Variants in CDH13 observed in about 807,000 individuals in gnomAD.
The protein encoded by CDH13 is cadherin 13.
Under a neutral mutation model 63.8 loss-of-function variants are expected in CDH13, and 24 were observed. The ratio of observed to expected loss-of-function variants is 0.38; its 90% CI spans 0.27 to 0.53. The LOEUF (loss-of-function observed/expected upper bound fraction) is 0.53. Among genes scored for constraint, CDH13 ranks in the 20% least tolerant of loss-of-function variants. The probability of loss-of-function intolerance (pLI) is 0.85; values close to 1 mark genes in which losing one functional copy is unlikely to be tolerated. For missense variants in CDH13, 1,049 were observed against 903.1 expected (o/e 1.16, Z -2.07); for synonymous variants, 503 against 355.3 (o/e 1.42, Z -4.67).
At chr16:82,647,708 G>A (rs758185310) in intron 1 of CDH13, among the ~76,000 whole-genome samples, 2 of 152,224 alleles carry the variant, frequency 1.3e-5, no homozygotes, top group African/African-American at 2.4e-5. Flanking sequence ...AAAGCAGTCA[G>A]TGAAGAGGTG....
chr16:83,478,096 C>T (rs1247036650), intron 6 of CDH13, among the ~76,000 whole-genome samples: 3 of 151,056 alleles, frequency 2.0e-5, no homozygotes, highest in Non-Finnish European at 2.9e-5. Flanking sequence ...AGAGGCGGAG[C>T]TTGCAGTGAG....
intron 5 of CDH13, among the ~76,000 whole-genome samples, chr16:83,339,882 C>T (rs2090683832): frequency 6.6e-6 from 1 of 152,220 alleles, no homozygotes; most frequent in Non-Finnish European, 1.5e-5. Flanking sequence ...TTACCCACTT[C>T]CCTGGATGAT....
intron 1 of CDH13, among the ~76,000 whole-genome samples, chr16:82,766,102 C>T (rs1408206046): frequency 6.6e-6 from 1 of 152,188 alleles, no homozygotes; most frequent in African/African-American, 2.4e-5. Context: ...ATATTTTCCT[C>T]ACCACCTCAC....
At chr16:82,956,798 G>C (rs966926475) in intron 2 of CDH13, among the ~76,000 whole-genome samples, 1 of 152,174 alleles carries the variant, frequency 6.6e-6, no homozygotes, top group African/African-American at 2.4e-5. Flanking sequence ...TCAATAACTT[G>C]TGTCTCAGTG....
intron 7 of CDH13, among the ~76,000 whole-genome samples, chr16:83,522,258 T>C (rs2074855968): frequency 6.6e-6 from 1 of 152,200 alleles, no homozygotes; most frequent in African/African-American, 2.4e-5. Flanking sequence ...TCGGGTCCAT[T>C]ATAATGGATC....
chr16:83,755,376 A>G (rs1486949873), intron 11 of CDH13, among the ~76,000 whole-genome samples: 2 of 151,852 alleles, frequency 1.3e-5, no homozygotes, highest in African/African-American at 4.8e-5. Flanking sequence ...AATGGAGCAG[A>G]AAAAAAAATT....
chr16:83,448,930 G>A (rs1443087283), intron 6 of CDH13, among the ~76,000 whole-genome samples: 1 of 152,144 alleles, frequency 6.6e-6, no homozygotes, highest in Non-Finnish European at 1.5e-5. Context: ...GAGGAATACA[G>A]GATTCTTCGT....
intron 7 of CDH13, among the ~76,000 whole-genome samples, chr16:83,551,168 G>C (rs574854129): frequency 6.6e-6 from 1 of 151,868 alleles, no homozygotes; most frequent in Non-Finnish European, 1.5e-5. Context: ...TGCAAACTCC[G>C]CCTCCCGGGT....
At position 83,004,541 on chromosome 16, in the gene CDH13, G is replaced by T. The variant is rs572118309; in HGVS notation, c.158-27469G>T. 4.1e-4 allele frequency among the ~76,000 whole-genome samples: 63 copies of T among 152,200 alleles called. 1 individual carries two copies. The East Asian group carries it at 0.01, about 25-fold the overall frequency. On this transcript the variant is annotated intron_variant, in intron 2 of 13. Transcript: ENST00000567109. ...TTTTCCCAAGACTGAGTCTCATTCT[G>T]TCACCCAGGCTGGAGTGTATTGGTG...
At chr16:83,317,712 A>G (rs540179843) in intron 5 of CDH13, among the ~76,000 whole-genome samples, 1 of 152,148 alleles carries the variant, frequency 6.6e-6, no homozygotes, top group Non-Finnish European at 1.5e-5. Flanking sequence ...AGGCAGGAGA[A>G]TCGCTTGAAC....
At chr16:83,632,657 G>A (rs555828332) in intron 8 of CDH13, among the ~76,000 whole-genome samples, 1 of 150,482 alleles carries the variant, frequency 6.6e-6, no homozygotes, top group African/African-American at 2.4e-5. Flanking sequence ...TAGGTTACTG[G>A]AAAGGGGTCC....
intron 4 of CDH13, among the ~76,000 whole-genome samples, chr16:83,145,519 C>A (rs2036710889): frequency 1.3e-5 from 2 of 152,180 alleles, no homozygotes; most frequent in African/African-American, 4.8e-5. Context: ...CTTAATTGTT[C>A]AGCAGACACC....
chr16:83,057,330 A>C (rs752759109), intron 3 of CDH13, among the ~76,000 whole-genome samples: 9 of 152,136 alleles, frequency 5.9e-5, no homozygotes, highest in East Asian at 1.9e-4. Context: ...TGAAAAGGTG[A>C]TGACTGGAAG....
intron 11 of CDH13, among the ~76,000 whole-genome samples, chr16:83,757,659 C>T (rs560393112): frequency 4.6e-5 from 7 of 151,982 alleles, no homozygotes; most frequent in South Asian, 2.1e-4. Flanking sequence ...AAACTCATAT[C>T]GAAACTGTTG....
At chr16:83,585,465 G>A (rs1458404869) in intron 7 of CDH13, among the ~76,000 whole-genome samples, 2 of 152,156 alleles carry the variant, frequency 1.3e-5, no homozygotes, top group African/African-American at 2.4e-5. Context: ...CCAGAACAGG[G>A]AAGGACTGTG....
intron 3 of CDH13, among the ~76,000 whole-genome samples, chr16:83,114,852 T>A (rs547983010): frequency 3.5e-4 from 53 of 152,332 alleles, no homozygotes; most frequent in African/African-American, 1.0e-3. Flanking sequence ...GCATACAAAA[T>A]GTGAATTGAG....
intron 1 of CDH13, among the ~76,000 whole-genome samples, chr16:82,707,762 G>A (rs923067303): frequency 5.3e-5 from 8 of 152,174 alleles, no homozygotes; most frequent in East Asian, 1.9e-4. Flanking sequence ...AGGTGAAGAC[G>A]TGTATCTCAG....
At chr16:83,789,634 C>T (rs769262829) in intron 13 of CDH13, among the ~76,000 whole-genome samples, 1 of 151,738 alleles carries the variant, frequency 6.6e-6, no homozygotes, top group Non-Finnish European at 1.5e-5. Context: ...CAGGCGTGAG[C>T]CACCACGCCA....
At chr16:83,411,862 A>G (rs1472445974) in intron 6 of CDH13, among the ~76,000 whole-genome samples, 3 of 152,186 alleles carry the variant, frequency 2.0e-5, no homozygotes, top group African/African-American at 4.8e-5. Flanking sequence ...CCTCATAACA[A>G]GTTTATAAGG....
Sources: gnomAD v4.1 joint callset for allele counts (sites outside exome capture counted in the v4.1 genomes callset) on GRCh38, gnomAD v4.1.1 for gene constraint, MANE v1.5 for transcripts, NCBI Gene and HGNC (gene_info 2026-07-23, HGNC 2026-07-21) for gene names.